Variants in PTPRG observed in about 807,000 individuals in gnomAD.
The protein encoded by PTPRG is receptor-type tyrosine-protein phosphatase gamma.
In PTPRG, 102 loss-of-function variants were observed where a neutral mutation model predicts 165.3. The observed-to-expected ratio is 0.62, with a 90% CI of 0.53 to 0.73. The LOEUF (loss-of-function observed/expected upper bound fraction) is 0.73, where lower values mean the gene tolerates loss of function less well. Among genes scored for constraint, PTPRG ranks in the 30% least tolerant of loss-of-function variants. The pLI, the probability that PTPRG is intolerant of heterozygous loss-of-function variation, is 0.00. For missense variants in PTPRG, 1,866 were observed against 1,861.4 expected, an observed-to-expected ratio of 1.00 and a Z score of -0.05; for synonymous variants, 675 against 669.5, an observed-to-expected ratio of 1.01 and a Z score of -0.13.
chr3:61,986,749 C>G (rs1358095762), intron 2 of PTPRG, among the ~76,000 whole-genome samples: 1 of 152,124 alleles, frequency 6.6e-6, no homozygotes, highest in East Asian at 1.9e-4. Flanking sequence ...TGCCAAAATA[C>G]AGATGTCTTG....
At chr3:61,825,587 C>A (rs1053630491) in intron 2 of PTPRG, among the ~76,000 whole-genome samples, 5 of 151,732 alleles carry the variant, frequency 3.3e-5, no homozygotes, top group African/African-American at 9.7e-5. Flanking sequence ...ATAAATTTCA[C>A]AAATTTGGAA....
chr3:61,722,220 A>AAT (rs1241313782), intron 1 of PTPRG, among the ~76,000 whole-genome samples: 5 of 123,946 alleles, frequency 4.0e-5, no homozygotes, highest in African/African-American at 1.6e-4. Context: ...GGGCAAAACA[A>AAT]ATACACACAC....
intron 15 of PTPRG, among the ~76,000 whole-genome samples, chr3:62,250,311 C>G (rs1160209685): frequency 6.6e-6 from 1 of 152,132 alleles, no homozygotes; most frequent in Non-Finnish European, 1.5e-5. Flanking sequence ...CTCTGGCTTC[C>G]TGATACACAG....
intron 5 of PTPRG, among the ~76,000 whole-genome samples, chr3:62,113,902 G>A (rs1184098924): frequency 2.0e-5 from 3 of 152,174 alleles, no homozygotes; most frequent in African/African-American, 7.2e-5. Flanking sequence ...GGATTTATTA[G>A]AGTAACTTCA....
At chr3:61,753,339 A>T (rs1017282081) in intron 2 of PTPRG, among the ~76,000 whole-genome samples, 4 of 152,222 alleles carry the variant, frequency 2.6e-5, no homozygotes, top group African/African-American at 7.2e-5. Flanking sequence ...TTGTACTGAA[A>T]AAATGCAGTA....
At chr3:61,931,546 G>A (rs752059517) in intron 2 of PTPRG, among the ~76,000 whole-genome samples, 2 of 152,126 alleles carry the variant, frequency 1.3e-5, no homozygotes, top group East Asian at 1.9e-4. Flanking sequence ...TGTGTGTCCC[G>A]GGCCCAAATG....
chr3:62,005,504 G>A (rs557701737), intron 4 of PTPRG, among the ~76,000 whole-genome samples: 3 of 152,012 alleles, frequency 2.0e-5, no homozygotes, highest in South Asian at 4.2e-4. Flanking sequence ...ATTTAATGTC[G>A]TTTTGGACAA....
intron 2 of PTPRG, among the ~76,000 whole-genome samples, chr3:61,887,170 A>ATATATATATATATTTTTTTTTT (rs60282456): frequency 3.5e-5 from 4 of 115,524 alleles, no homozygotes; most frequent in African/African-American, 1.3e-4. Context: ...ATATATATAT[A>ATATATATATATATTTTTTTTTT]TTTTTAATGC....
chr3:62,191,307 C>CCT (rs910809769), intron 8 of PTPRG, among the ~76,000 whole-genome samples, 162 bp from the exon 9 acceptor site: 7 of 151,822 alleles, frequency 4.6e-5, no homozygotes, highest in Admixed American at 2.0e-4. Flanking sequence ...CAATGTTCTC[C>CCT]CTCTCTCTCT....
rs75480068 is a variant in PTPRG at position 61,805,733 on chromosome 3, C to T, written c.190+56751C>T. On this transcript the variant is annotated intron_variant, in intron 2 of 29. Coordinates refer to ENST00000474889, the MANE Select transcript of PTPRG (RefSeq NM_002841.4). ...ATGATGGTATAAACTGCAATTAAAT[C>T]TTGTGCTGTATTTACTGTGTGATTG... 7.9e-3 allele frequency among the ~76,000 whole-genome samples: 1,204 copies of T among 152,210 alleles called. 55 individuals are homozygous for T. Among genetic ancestry groups the T allele is most frequent in the Admixed American group, 0.059 (901 of 15,290 alleles).
intron 2 of PTPRG, among the ~76,000 whole-genome samples, chr3:61,838,864 T>C (rs967109356): frequency 3.3e-5 from 5 of 152,354 alleles, no homozygotes; most frequent in African/African-American, 1.2e-4. Context: ...AGTGTCTTTG[T>C]TTCCAGAATT....
At chr3:61,744,161 G>T (rs932309382) in intron 1 of PTPRG, among the ~76,000 whole-genome samples, 1 of 152,092 alleles carries the variant, frequency 6.6e-6, no homozygotes, top group Non-Finnish European at 1.5e-5. Flanking sequence ...ATATTAAGTT[G>T]CTTAATATAC....
At chr3:62,274,887 C>A (rs770205185) in intron 23 of PTPRG, among the ~76,000 whole-genome samples, 5 of 152,042 alleles carry the variant, frequency 3.3e-5, no homozygotes, top group Non-Finnish European at 7.4e-5. Flanking sequence ...TTCTTAAATT[C>A]TGCCTTTTTC....
intron 5 of PTPRG, among the ~76,000 whole-genome samples, chr3:62,082,280 C>G (rs1004153353): frequency 6.6e-6 from 1 of 152,084 alleles, no homozygotes; most frequent in Non-Finnish European, 1.5e-5. Context: ...TTTTGGCTTT[C>G]TGTCTGCCTT....
At chr3:61,887,160 ATATATATATAT>A in intron 2 of PTPRG, among the ~76,000 whole-genome samples, 4 of 126,586 alleles carry the variant, frequency 3.2e-5, no homozygotes, top group East Asian at 2.7e-4. Context: ...ATATATATAT[ATATATATATAT>A]TTTTAATGCC....
intron 1 of PTPRG, among the ~76,000 whole-genome samples, chr3:61,698,672 G>C (rs1289384580): frequency 6.6e-6 from 1 of 152,136 alleles, no homozygotes; most frequent in African/African-American, 2.4e-5. Context: ...TTTTGTTTAT[G>C]TGGATCATAT....
chr3:62,069,637 G>GTCTC (rs537162206), intron 4 of PTPRG, among the ~76,000 whole-genome samples: 152 of 141,092 alleles, frequency 1.1e-3, no homozygotes, highest in Middle Eastern at 3.6e-3. Flanking sequence ...TAGGATCGAT[G>GTCTC]TCTCTCTCTC....
At chr3:61,755,065 C>T (rs572752440) in intron 2 of PTPRG, among the ~76,000 whole-genome samples, 31 of 151,516 alleles carry the variant, frequency 2.0e-4, no homozygotes, top group South Asian at 1.7e-3. Context: ...CTCCGCCTGT[C>T]GCCCTGATCT....
intron 2 of PTPRG, among the ~76,000 whole-genome samples, chr3:61,896,203 G>A (rs939189540): frequency 5.9e-5 from 9 of 152,082 alleles, no homozygotes; most frequent in African/African-American, 2.2e-4. Context: ...TTATAACCAC[G>A]CCTACCTCCT....
Sources: allele counts gnomAD v4.1 joint callset (sites outside exome capture counted in the v4.1 genomes callset), GRCh38; gene constraint gnomAD v4.1.1; transcripts MANE v1.5; gene names NCBI Gene and HGNC (gene_info 2026-07-23, HGNC 2026-07-21).